The following MAP3K5 variants were observed in gnomAD, a reference collection of about 807,000 sequenced individuals.
The protein encoded by MAP3K5 is mitogen-activated protein kinase kinase kinase 5.
In MAP3K5, 56 loss-of-function variants were observed where a neutral mutation model predicts 158.7. The ratio of observed to expected loss-of-function variants is 0.35; its 90% CI spans 0.28 to 0.44. The LOEUF is 0.44. Ranked by LOEUF, MAP3K5 falls within the 20% of genes least tolerant of loss-of-function variation. The probability of loss-of-function intolerance (pLI) is 1.00; values close to 1 mark genes in which losing one functional copy is unlikely to be tolerated. For synonymous variants in MAP3K5, 579 were observed against 601.7 expected, an observed-to-expected ratio of 0.96 and a Z score of 0.55; for missense variants, 1,294 against 1,674.8, an observed-to-expected ratio of 0.77 and a Z score of 3.97.
In MAP3K5 at chr6:136,557,759, C is replaced by A; in HGVS notation, c.4124G>T (p.Ter1375LeuextTer14). 1.9e-6 allele frequency: 3 copies of A among 1,608,710 alleles called. No individual in the cohort carries two copies. Among genetic ancestry groups the A allele is most frequent in the South Asian group, 1.1e-5 (1 of 90,944 alleles). Residue 1375 changes from the stop codon to leucine, a stop_lost, in exon 30 of 30, where the codon TGA (stop) becomes TTA (leucine). Coordinates refer to ENST00000359015, the MANE Select transcript of MAP3K5 (RefSeq NM_005923.4). Reference sequence around the variant, plus strand: ...ATCGAAGATTAGATTGAGCAACAGTCAAGTCTGTTTGTTTCGAAAGTCAAT... The same window carrying A: ...ATCGAAGATTAGATTGAGCAACAGTAAAGTCTGTTTGTTTCGAAAGTCAAT... ...AIIDFRNKQT[*>L]
At chr6:136,644,574 G>T (rs1236501324) in intron 11 of MAP3K5, among the ~76,000 whole-genome samples, 1 of 152,238 alleles carries the variant, frequency 6.6e-6, no homozygotes, top group Non-Finnish European at 1.5e-5. Context: ...TGTATTGACT[G>T]AAGGTGGCAG....
At chr6:136,696,107 T>C in intron 5 of MAP3K5, 50 bp from the exon 6 acceptor site, 2 of 1,098,556 alleles carry the variant, frequency 1.8e-6, no homozygotes, top group Non-Finnish European at 2.7e-6. Flanking sequence ...AGGAGAAAAT[T>C]CTCACAATAA....
chr6:136,622,515 C>T (rs1307991203), intron 15 of MAP3K5, among the ~76,000 whole-genome samples: 1 of 152,216 alleles, frequency 6.6e-6, no homozygotes, highest in Non-Finnish European at 1.5e-5. Flanking sequence ...CCTCACATGC[C>T]CGACTGGAAC....
chr6:136,646,965 T>TCCTA (rs1434625841), intron 11 of MAP3K5, among the ~76,000 whole-genome samples: 1 of 152,226 alleles, frequency 6.6e-6, no homozygotes, highest in Non-Finnish European at 1.5e-5. Context: ...CTTCTAAAAA[T>TCCTA]CCTACCACCT....
chr6:136,759,569 C>T (rs991601064), intron 1 of MAP3K5, among the ~76,000 whole-genome samples: 1 of 149,540 alleles, frequency 6.7e-6, no homozygotes, highest in Non-Finnish European at 1.5e-5. Context: ...ATCCTAGGCT[C>T]GAGCGATCCT....
At chr6:136,717,003 TA>T (rs1175900046) in intron 2 of MAP3K5, among the ~76,000 whole-genome samples, 2 of 151,074 alleles carry the variant, frequency 1.3e-5, no homozygotes, top group South Asian at 2.1e-4. Context: ...ACTAAAAATA[TA>T]AAAATTAGCC....
intron 1 of MAP3K5, among the ~76,000 whole-genome samples, chr6:136,753,855 A>C (rs548237989): frequency 1.5e-4 from 23 of 152,348 alleles, no homozygotes; most frequent in African/African-American, 5.3e-4. Context: ...CAGCAGCGTC[A>C]GGCAGGGCTT....
chr6:136,711,472 C>T (rs1781304273), intron 2 of MAP3K5, among the ~76,000 whole-genome samples: 1 of 151,974 alleles, frequency 6.6e-6, no homozygotes, highest in South Asian at 2.1e-4. Context: ...TGAGACCAGC[C>T]TGGGAAACAC....
At chr6:136,733,633 A>C (rs569892263) in intron 1 of MAP3K5, among the ~76,000 whole-genome samples, 35 of 152,268 alleles carry the variant, frequency 2.3e-4, no homozygotes, top group African/African-American at 8.2e-4. Context: ...AAACAAAAAA[A>C]ACCTTTTTTT....
chr6:136,721,150 G>A (rs1488319325), intron 1 of MAP3K5, among the ~76,000 whole-genome samples: 2 of 151,650 alleles, frequency 1.3e-5, no homozygotes, highest in Admixed American at 1.3e-4. Context: ...TTGCAACGGT[G>A]GGAAGCAGGG....
chr6:136,636,887 T>C (rs1316039888), intron 14 of MAP3K5: 1 of 993,038 alleles, frequency 1.0e-6, no homozygotes, highest in Non-Finnish European at 1.2e-6. Context: ...GAAGTCATTG[T>C]TATTCCCTCC....
chr6:136,681,235 C>G (rs1779919832), intron 7 of MAP3K5, among the ~76,000 whole-genome samples: 1 of 152,214 alleles, frequency 6.6e-6, no homozygotes, highest in Non-Finnish European at 1.5e-5. Flanking sequence ...AGTTCTCTCA[C>G]TCATTTCTCT....
intron 7 of MAP3K5, among the ~76,000 whole-genome samples, chr6:136,675,283 C>G (rs1259957875): frequency 6.6e-6 from 1 of 151,944 alleles, no homozygotes; most frequent in Non-Finnish European, 1.5e-5. Context: ...ATCAAACAAA[C>G]AGACAAAAAT....
chr6:136,557,097 C>A lies in MAP3K5; in HGVS notation c.*661G>T, dbSNP rs1830287392. ...AGAGTAAATATGACACAATGGATAG[C>A]TTTAGAACAAGCTAACATTACTACA... On this transcript the variant is annotated 3_prime_UTR_variant, in exon 30 of 30. Coordinates refer to ENST00000359015, the MANE Select transcript of MAP3K5 (RefSeq NM_005923.4). 6.6e-6 allele frequency: 1 copy of A among 152,026 alleles called. No homozygotes were observed. The highest frequency in any genetic ancestry group is 1.5e-5 in the Non-Finnish European group (1 of 68,016). The allele number at this position is 152,026 out of a possible 1,614,324, so 9.4% of individuals were successfully genotyped here. A position where few individuals can be genotyped will look rare whatever the true frequency, so the allele number is the denominator to read the frequency against.
chr6:136,580,962 G>A (rs1209557241), intron 24 of MAP3K5, among the ~76,000 whole-genome samples: 1 of 152,076 alleles, frequency 6.6e-6, no homozygotes, highest in Non-Finnish European at 1.5e-5. Flanking sequence ...TTGCAGACAT[G>A]AGCCACCGTG....
chr6:136,786,478 C>A (rs577837804), intron 1 of MAP3K5, among the ~76,000 whole-genome samples: 1 of 151,748 alleles, frequency 6.6e-6, no homozygotes, highest in Non-Finnish European at 1.5e-5. Context: ...TTAGCTTTTA[C>A]GGAATTTTCT....
At chr6:136,735,497 G>A (rs923779892) in intron 1 of MAP3K5, among the ~76,000 whole-genome samples, 3 of 152,152 alleles carry the variant, frequency 2.0e-5, no homozygotes, top group African/African-American at 7.2e-5. Flanking sequence ...GTATGATAAG[G>A]TACTGTGTTA....
At chr6:136,577,935 G>A (rs1412577780) in intron 25 of MAP3K5, among the ~76,000 whole-genome samples, 4 of 152,012 alleles carry the variant, frequency 2.6e-5, no homozygotes, top group African/African-American at 9.7e-5. Flanking sequence ...ATTACTAAAA[G>A]GAAGTTTGTT....
chr6:136,672,891 G>A (rs574416368), intron 7 of MAP3K5, among the ~76,000 whole-genome samples: 25 of 151,486 alleles, frequency 1.7e-4, no homozygotes, highest in Non-Finnish European at 2.9e-4. Flanking sequence ...TCGGGAGGCT[G>A]AGGCAGGAGA....
Sources: gnomAD v4.1 joint callset for allele counts (sites outside exome capture counted in the v4.1 genomes callset) on GRCh38, gnomAD v4.1.1 for gene constraint, MANE v1.5 for transcripts, NCBI Gene and HGNC (gene_info 2026-07-23, HGNC 2026-07-21) for gene names.